Variants in RALB observed in about 807,000 individuals in gnomAD.
RALB encodes the protein RAS like proto-oncogene B, also known as ras-related protein Ral-B.
Under a neutral mutation model 21.3 loss-of-function variants are expected in RALB, and 16 were observed. That is an observed-to-expected ratio of 0.75 (90% CI 0.51 to 1.14). RALB has a LOEUF of 1.14. RALB is among the 50% of genes most tolerant of loss of function. RALB has a pLI of 0.00. For missense variants in RALB, 161 were observed against 256.2 expected (o/e 0.63, Z 2.54); for synonymous variants, 93 against 96.1 (o/e 0.97, Z 0.19).
intron 1 of RALB, among the ~76,000 whole-genome samples, chr2:120,265,444 C>T (rs1488221485): frequency 6.6e-6 from 1 of 152,222 alleles, no homozygotes; most frequent in African/African-American, 2.4e-5. Context: ...TGGTGCATGA[C>T]TGTATAACAA....
intron 3 of RALB, among the ~76,000 whole-genome samples, chr2:120,289,314 A>ACTTG (rs34811339): frequency 5.3e-4 from 8 of 15,238 alleles, no homozygotes; most frequent in African/African-American, 4.3e-3. Context: ...CTATCCAGAC[A>ACTTG]CTTCTGTAAG....
At chr2:120,245,190 GT>G (rs1385465372) in intron 1 of RALB, among the ~76,000 whole-genome samples, 1 of 152,248 alleles carries the variant, frequency 6.6e-6, no homozygotes, top group African/African-American at 2.4e-5. Flanking sequence ...GAGGTAACCT[GT>G]TAGAGGTCAC....
intron 3 of RALB, among the ~76,000 whole-genome samples, chr2:120,286,961 C>CT (rs1690177992): frequency 9.6e-6 from 1 of 103,690 alleles, no homozygotes; most frequent in South Asian, 3.0e-4. Context: ...ATAAATGTCT[C>CT]TTTACCCCAT....
At chr2:120,276,462 G>A (rs1689795683) in intron 1 of RALB, among the ~76,000 whole-genome samples, 1 of 152,044 alleles carries the variant, frequency 6.6e-6, no homozygotes, top group Admixed American at 6.6e-5. Context: ...AATTAACTAG[G>A]CAGGGTGGTG....
At chr2:120,270,434 C>T (rs535492698) in intron 1 of RALB, among the ~76,000 whole-genome samples, 33 of 152,264 alleles carry the variant, frequency 2.2e-4, no homozygotes, top group African/African-American at 7.7e-4. Context: ...GTTCTGGTAT[C>T]GGGCAGCATG....
chr2:120,242,605 GC>G (rs1688913261), intron 1 of RALB, among the ~76,000 whole-genome samples: 1 of 152,078 alleles, frequency 6.6e-6, no homozygotes, highest in South Asian at 2.1e-4. Context: ...GGGCGTGGTG[GC>G]AGGCGCCTGT....
intron 2 of RALB, chr2:120,281,005 A>G (rs1448759593): frequency 3.1e-6 from 1 of 318,236 alleles, no homozygotes; most frequent in Non-Finnish European, 6.1e-6. Context: ...CTGTATAATA[A>G]TCACAAAGTT....
chr2:120,262,631 C>A (rs997196754), intron 1 of RALB, among the ~76,000 whole-genome samples: 1 of 152,168 alleles, frequency 6.6e-6, no homozygotes, highest in African/African-American at 2.4e-5. Context: ...CCAAACGTGG[C>A]TGGGGAGGTG....
intron 2 of RALB, among the ~76,000 whole-genome samples, chr2:120,279,445 A>C (rs960999806): frequency 2.4e-4 from 37 of 152,206 alleles, no homozygotes; most frequent in African/African-American, 8.2e-4. Flanking sequence ...ATTCGGGAAA[A>C]AAACCCAATG....
At chr2:120,291,776 G>A (rs1377523778) in intron 4 of RALB, among the ~76,000 whole-genome samples, 2 of 152,164 alleles carry the variant, frequency 1.3e-5, no homozygotes, top group African/African-American at 4.8e-5. Flanking sequence ...TTTCCTGAGA[G>A]GCTGGCAAGA....
intron 1 of RALB, among the ~76,000 whole-genome samples, chr2:120,240,313 C>G (rs1359738263): frequency 6.7e-6 from 1 of 148,552 alleles, no homozygotes; most frequent in African/African-American, 2.6e-5. Context: ...GAGACAGGGT[C>G]TCCCTCTGTC....
At chr2:120,251,715 C>T (rs1014712121), upstream of RALB, among the ~76,000 whole-genome samples, 1 of 152,168 alleles carries the variant, frequency 6.6e-6, no homozygotes, top group African/African-American at 2.4e-5. Context: ...GTCTGTCATA[C>T]GATTAGCACT....
chr2:120,275,215 C>G (rs1258544099), intron 1 of RALB, among the ~76,000 whole-genome samples: 1 of 152,262 alleles, frequency 6.6e-6, no homozygotes, highest in Non-Finnish European at 1.5e-5. Context: ...GAAAAGGTGT[C>G]TCAATTCTAA....
rs557596515 is a variant in RALB at position 120,259,197 on chromosome 2, C to T, written c.-48+6217C>T. Among the ~76,000 whole-genome samples, 272 of 152,162 alleles carry T rather than the reference C, an allele frequency of 1.8e-3. 1 individual carries two copies. The highest frequency in any genetic ancestry group is 6.2e-3 in the African/African-American group (257 of 41,522). Reference sequence around the variant, plus strand: ...GAGTGAAAGAACAAAGCTTCCACAGCGTAGAAAGGGACCCCAGCGAGTTGC... The same window carrying T: ...GAGTGAAAGAACAAAGCTTCCACAGTGTAGAAAGGGACCCCAGCGAGTTGC... On this transcript the variant is annotated intron_variant, in intron 1 of 4. Transcript: ENST00000272519.
chr2:120,249,934 A>G (rs1274947525), upstream of RALB, among the ~76,000 whole-genome samples: 1 of 152,156 alleles, frequency 6.6e-6, no homozygotes, highest in Non-Finnish European at 1.5e-5. Context: ...CTTCTGCCTC[A>G]GGACTTTGCA....
intron 1 of RALB, among the ~76,000 whole-genome samples, chr2:120,242,291 A>G (rs1394036732): frequency 6.6e-6 from 1 of 152,198 alleles, no homozygotes; most frequent in African/African-American, 2.4e-5. Context: ...CAATGGGTGT[A>G]GTGTTTAGAC....
intron 1 of RALB, among the ~76,000 whole-genome samples, chr2:120,254,194 A>G (rs10180465): frequency 0.69 from 105,660 of 152,088 alleles, 37,295 homozygotes; most frequent in Middle Eastern, 0.8. Flanking sequence ...GTGGAGCACG[A>G]TCTTTCCCCC....
At chr2:120,255,681 A>G (rs1255163067) in intron 1 of RALB, among the ~76,000 whole-genome samples, 1 of 152,166 alleles carries the variant, frequency 6.6e-6, no homozygotes, top group Non-Finnish European at 1.5e-5. Flanking sequence ...TGCTTACTAG[A>G]AGCAATTGCA....
chr2:120,293,418 C>A lies in RALB; in HGVS notation c.*158C>A. Reference sequence around the variant, plus strand: ...GGGAAAAATATTTGTGACTCTGTGGCTGGCAGAAGAAATAAGCCCATGCAA... The same window carrying A: ...GGGAAAAATATTTGTGACTCTGTGGATGGCAGAAGAAATAAGCCCATGCAA... On this transcript the variant is annotated 3_prime_UTR_variant, in exon 5 of 5. Coordinates refer to ENST00000272519, the MANE Select transcript of RALB (RefSeq NM_002881.3). 2 of 682,028 alleles carry A rather than the reference C, an allele frequency of 2.9e-6. No individual in the cohort carries two copies. The highest frequency in any genetic ancestry group is 3.0e-5 in the South Asian group (1 of 33,684). The allele number at this position is 682,028 out of a possible 1,614,324, so 42.2% of individuals were successfully genotyped here. A position where few individuals can be genotyped will look rare whatever the true frequency, so the allele number is the denominator to read the frequency against.
Sources: gnomAD v4.1 joint callset for allele counts (sites outside exome capture counted in the v4.1 genomes callset) on GRCh38, gnomAD v4.1.1 for gene constraint, MANE v1.5 for transcripts, NCBI Gene and HGNC (gene_info 2026-07-23, HGNC 2026-07-21) for gene names.